The following LRBA variants were observed in gnomAD, a reference collection of about 807,000 sequenced individuals.
LRBA encodes the protein LPS responsive beige-like anchor protein.
LRBA carries 176 observed loss-of-function variants against 330.0 expected under a neutral mutation model. The ratio of observed to expected loss-of-function variants is 0.53; its 90% confidence interval spans 0.47 to 0.60. The LOEUF (loss-of-function observed/expected upper bound fraction) is 0.60. Among genes scored for constraint, LRBA ranks in the 20% least tolerant of loss-of-function variants. LRBA has a pLI of 0.00. For missense variants in LRBA, 3,259 were observed against 3,444.8 expected (o/e 0.95, Z 1.35); for synonymous variants, 1,230 against 1,193.0 (o/e 1.03, Z -0.64).
At position 150,890,460 on chromosome 4, in the gene LRBA, A is replaced by C. The variant is rs148793550; in HGVS notation, c.2165+2592T>G. 6.8e-3 allele frequency among the ~76,000 whole-genome samples: 1,030 copies of C among 152,288 alleles called. 15 individuals are homozygous for C. The highest frequency in any genetic ancestry group is 0.024 in the Middle Eastern group (7 of 294). On this transcript the variant is annotated intron_variant, in intron 17 of 56. Coordinates refer to ENST00000651943, the MANE Select transcript of LRBA (RefSeq NM_001364905.1). ...GAAGGAAGTAAACAATGGCAGATAT[A>C]GTATGACACACTAGGATTAAAAAAA... is the stretch of plus-strand genomic sequence containing the variant.
rs1746638899 is a variant in LRBA at position 150,828,609 on chromosome 4, G to A, written c.4742C>T (p.Ala1581Val). The A allele has an allele frequency of 6.2e-7, 1 of 1,613,134 alleles. No individual in the cohort carries two copies. The highest frequency in any genetic ancestry group is 8.5e-7 in the Non-Finnish European group (1 of 1,179,540). The change falls in exon 30 of 57, where the codon GCA becomes GTA. Residue 1581 changes from alanine to valine, a missense_variant. Physicochemically the swap from Ala to Val is moderately conservative, Grantham distance 64. Transcript: ENST00000651943. ...ENVSLSEITP[A>V]AFSTLTTASV... Reference sequence around the variant, plus strand: ...TGCCGTAGTTAAAGTGCTGAATGCTGCTGGTGTGATTTCTATATCATACCC... The same window carrying A: ...TGCCGTAGTTAAAGTGCTGAATGCTACTGGTGTGATTTCTATATCATACCC...
At chr4:150,663,833 C>T (rs943422396) in intron 37 of LRBA, among the ~76,000 whole-genome samples, 4 of 151,944 alleles carry the variant, frequency 2.6e-5, no homozygotes, top group African/African-American at 9.7e-5. Flanking sequence ...AAATATCTAC[C>T]AAGTAATGCT....
intron 22 of LRBA, among the ~76,000 whole-genome samples, chr4:150,865,963 G>A (rs966362444): frequency 8.5e-5 from 13 of 152,064 alleles, no homozygotes; most frequent in Non-Finnish European, 4.4e-5. Context: ...TGATCCACCC[G>A]CCTTGGCCTC....
intron 36 of LRBA, among the ~76,000 whole-genome samples, chr4:150,729,747 T>G (rs1455715336): frequency 1.3e-5 from 2 of 152,110 alleles, no homozygotes; most frequent in African/African-American, 4.8e-5. Flanking sequence ...TCAAATTATA[T>G]TACTGAGTTA....
intron 42 of LRBA, among the ~76,000 whole-genome samples, chr4:150,481,946 G>A (rs1048163109): frequency 3.3e-5 from 5 of 152,066 alleles, no homozygotes; most frequent in Admixed American, 6.6e-5. Flanking sequence ...AAATGCCTAA[G>A]AGTGGAATTA....
At chr4:150,869,170 T>C (rs771495283) in intron 20 of LRBA, among the ~76,000 whole-genome samples, 1 of 151,368 alleles carries the variant, frequency 6.6e-6, no homozygotes. Context: ...CCACCTGCCT[T>C]GGCGTCCCAA....
chr4:150,587,180 T>G (rs1313388583), intron 40 of LRBA, among the ~76,000 whole-genome samples: 1 of 152,188 alleles, frequency 6.6e-6, no homozygotes, highest in Non-Finnish European at 1.5e-5. Flanking sequence ...AGCTACTACT[T>G]TGAAATACTT....
chr4:150,811,147 C>T (rs111401440), intron 31 of LRBA, among the ~76,000 whole-genome samples: 68 of 152,256 alleles, frequency 4.5e-4, no homozygotes, highest in African/African-American at 1.6e-3. Context: ...ATGACACCTG[C>T]AATTTTCTAA....
chr4:150,530,960 C>T (rs1309206035), intron 40 of LRBA, among the ~76,000 whole-genome samples: 1 of 152,070 alleles, frequency 6.6e-6, no homozygotes, highest in Non-Finnish European at 1.5e-5. Context: ...GGAAAAGCAC[C>T]AGCGACACGA....
intron 40 of LRBA, chr4:150,581,691 T>C (rs1337840334): frequency 6.5e-6 from 1 of 153,790 alleles, no homozygotes; most frequent in Non-Finnish European, 1.4e-5. Flanking sequence ...GGCTGTAAAA[T>C]GTGTGCAAGC....
At chr4:150,898,880 T>C (rs893958355) in intron 14 of LRBA, among the ~76,000 whole-genome samples, 4 of 152,168 alleles carry the variant, frequency 2.6e-5, no homozygotes, top group Non-Finnish European at 5.9e-5. Flanking sequence ...AGTTCATAGC[T>C]TGCTAAATTA....
At chr4:150,323,869 G>A (rs1269027698) in intron 49 of LRBA, among the ~76,000 whole-genome samples, 2 of 152,118 alleles carry the variant, frequency 1.3e-5, no homozygotes, top group Non-Finnish European at 2.9e-5. Context: ...TTTAATACTG[G>A]GTACCTCTGT....
intron 11 of LRBA, 82 bp from the exon 12 acceptor site, chr4:150,906,487 T>A: frequency 2.8e-6 from 2 of 702,706 alleles, no homozygotes; most frequent in Non-Finnish European, 4.8e-6. Context: ...AACCCTTCCA[T>A]TCACCTTAAT....
rs1728995799 is a variant in LRBA at position 150,721,962 on chromosome 4, G to A, written c.5754+13296C>T. On this transcript the variant is annotated intron_variant, in intron 36 of 56. Transcript: ENST00000651943. ...GTGACTTTCCAAAATGGAAAATTAG[G>A]GCATGTCCTTGGTCTGTGTTCCCCA... Among the ~76,000 whole-genome samples the A allele has an allele frequency of 2.6e-5, 4 of 152,026 alleles. No individual in the cohort carries two copies. In the South Asian group the frequency reaches 8.3e-4, roughly 32 times the overall value.
intron 40 of LRBA, among the ~76,000 whole-genome samples, chr4:150,546,601 G>T (rs891590893): frequency 6.6e-6 from 1 of 152,160 alleles, no homozygotes; most frequent in Non-Finnish European, 1.5e-5. Context: ...GAGTGGTCTT[G>T]GGGTTAATTG....
intron 29 of LRBA, among the ~76,000 whole-genome samples, chr4:150,830,217 C>G (rs11737590): frequency 6.6e-6 from 1 of 152,028 alleles, no homozygotes; most frequent in Non-Finnish European, 1.5e-5. Flanking sequence ...GACAATAACC[C>G]ACAGGATCTG....
intron 17 of LRBA, among the ~76,000 whole-genome samples, chr4:150,873,744 T>C (rs1189259410): frequency 2.0e-5 from 3 of 152,196 alleles, no homozygotes; most frequent in Non-Finnish European, 4.4e-5. Flanking sequence ...TTATAATTAC[T>C]TATAAAAATT....
At chr4:150,401,135 C>T (rs543435980) in intron 47 of LRBA, among the ~76,000 whole-genome samples, 2 of 152,332 alleles carry the variant, frequency 1.3e-5, no homozygotes, top group South Asian at 2.1e-4. Flanking sequence ...CGAGGTTACA[C>T]TGCTGCAATT....
At chr4:150,593,812 T>C (rs1026086259) in intron 38 of LRBA, among the ~76,000 whole-genome samples, 1 of 152,120 alleles carries the variant, frequency 6.6e-6, no homozygotes, top group Non-Finnish European at 1.5e-5. Flanking sequence ...GAAACCTCTT[T>C]AATCTGCAAA....
Sources: allele counts gnomAD v4.1 joint callset (sites outside exome capture counted in the v4.1 genomes callset), GRCh38; gene constraint gnomAD v4.1.1; transcripts MANE v1.5; gene names NCBI Gene and HGNC (gene_info 2026-07-23, HGNC 2026-07-21).